CNTN5: variants seen among roughly 807,000 people sequenced by gnomAD.
CNTN5 encodes the protein contactin-5.
A neutral mutation model predicts 129.1 loss-of-function variants in CNTN5; 77 were observed. The ratio of observed to expected loss-of-function variants is 0.60; its 90% CI spans 0.50 to 0.72. The LOEUF (loss-of-function observed/expected upper bound fraction) is 0.72. Among genes scored for constraint, CNTN5 ranks in the 30% least tolerant of loss-of-function variants. The pLI is 0.00. For missense variants in CNTN5, 1,478 were observed against 1,328.8 expected, an observed-to-expected ratio of 1.11 and a Z score of -1.75; for synonymous variants, 509 against 465.6, an observed-to-expected ratio of 1.09 and a Z score of -1.20.
At chr11:99,939,352 C>G (rs1950383478) in intron 7 of CNTN5, among the ~76,000 whole-genome samples, 1 of 151,950 alleles carries the variant, frequency 6.6e-6, no homozygotes, top group Non-Finnish European at 1.5e-5. Context: ...TCTAGAAATA[C>G]ATATTTTGTT....
intron 1 of CNTN5, among the ~76,000 whole-genome samples, chr11:99,051,762 C>T (rs546109434): frequency 7.9e-5 from 12 of 151,844 alleles, no homozygotes; most frequent in South Asian, 2.1e-4. Context: ...ATTAATTCAT[C>T]GAAGTGTACT....
chr11:100,053,538 C>CA (rs908946348), intron 9 of CNTN5, among the ~76,000 whole-genome samples: 3 of 151,506 alleles, frequency 2.0e-5, no homozygotes, highest in East Asian at 1.9e-4. Flanking sequence ...TACAGTACTA[C>CA]AAAAATGACT....
intron 1 of CNTN5, among the ~76,000 whole-genome samples, chr11:99,108,987 C>T (rs926061933): frequency 6.6e-6 from 1 of 151,130 alleles, no homozygotes; most frequent in Non-Finnish European, 1.5e-5. Flanking sequence ...ACAAAAAAGG[C>T]TCATATGTAA....
chr11:100,066,680 A>G (rs537589717), intron 10 of CNTN5, among the ~76,000 whole-genome samples: 1 of 152,088 alleles, frequency 6.6e-6, no homozygotes, highest in Non-Finnish European at 1.5e-5. Flanking sequence ...AAAAGTTATT[A>G]GGTTTGTTTT....
At chr11:99,461,505 A>G (rs10893373) in intron 2 of CNTN5, among the ~76,000 whole-genome samples, 34,559 of 152,062 alleles carry the variant, frequency 0.23, 4,306 homozygotes, top group East Asian at 0.41. Flanking sequence ...TCTGTAGAAT[A>G]CCCTTGGAAT....
intron 3 of CNTN5, among the ~76,000 whole-genome samples, chr11:99,642,688 A>G (rs531840820): frequency 2.0e-5 from 3 of 152,166 alleles, no homozygotes; most frequent in Non-Finnish European, 4.4e-5. Context: ...ACAGAACACC[A>G]AAACTTATTC....
At position 99,724,240 on chromosome 11, in the gene CNTN5, A is replaced by T. The variant is rs540276980; in HGVS notation, c.56-95304A>T. Among the ~76,000 whole-genome samples the T allele has an allele frequency of 3.9e-5, 6 of 152,136 alleles. No individual in the cohort carries two copies. In the East Asian group the frequency reaches 1.2e-3, roughly 29 times the overall value. On this transcript the variant is annotated intron_variant, in intron 3 of 24. Transcript: ENST00000524871. ...TATACTCTCTCTTTGTTTTTTTCTA[A>T]GACATTTCAAGTGGGATTTTCTGTT...
chr11:99,943,012 A>G (rs764937942), intron 7 of CNTN5, among the ~76,000 whole-genome samples: 1 of 152,190 alleles, frequency 6.6e-6, no homozygotes, highest in Non-Finnish European at 1.5e-5. Context: ...ATAAACATAC[A>G]TGTGCATGTG....
intron 24 of CNTN5, among the ~76,000 whole-genome samples, chr11:100,352,027 T>TAAA (rs2139041617): frequency 6.6e-6 from 1 of 151,850 alleles, no homozygotes; most frequent in Non-Finnish European, 1.5e-5. Flanking sequence ...TTTAACTTTT[T>TAAA]AAGTTCAGGG....
chr11:99,841,715 A>C (rs1425683985), intron 4 of CNTN5, among the ~76,000 whole-genome samples: 1 of 150,582 alleles, frequency 6.6e-6, no homozygotes, highest in Non-Finnish European at 1.5e-5. Context: ...AAGAAATAAT[A>C]GTCATGGTAG....
chr11:99,696,945 C>T (rs1029374923), intron 3 of CNTN5, among the ~76,000 whole-genome samples: 1 of 151,364 alleles, frequency 6.6e-6, no homozygotes, highest in Non-Finnish European at 1.5e-5. Context: ...AAACAAACAA[C>T]AACAACAACA....
intron 3 of CNTN5, among the ~76,000 whole-genome samples, chr11:99,797,432 G>A (rs541477912): frequency 5.3e-5 from 8 of 152,088 alleles, no homozygotes; most frequent in Admixed American, 1.3e-4. Flanking sequence ...GCCAAAAAAC[G>A]TTAAGAAATC....
At chr11:99,743,404 G>A (rs1009265645) in intron 3 of CNTN5, among the ~76,000 whole-genome samples, 1 of 152,106 alleles carries the variant, frequency 6.6e-6, no homozygotes, top group African/African-American at 2.4e-5. Flanking sequence ...ATTCCTGGGA[G>A]GAAGTGTGTA....
chr11:99,773,620 TTTA>T (rs1945018704), intron 3 of CNTN5, among the ~76,000 whole-genome samples: 2 of 152,094 alleles, frequency 1.3e-5, no homozygotes, highest in Admixed American at 1.3e-4. Flanking sequence ...AATGTATAAT[TTTA>T]TTGTCTTCAT....
chr11:100,013,958 G>A (rs150680403), intron 9 of CNTN5, among the ~76,000 whole-genome samples: 16 of 152,148 alleles, frequency 1.1e-4, no homozygotes, highest in Non-Finnish European at 1.8e-4. Context: ...AAGCATGCTC[G>A]TCATGTGTCT....
chr11:99,982,801 C>T (rs1403718624), intron 8 of CNTN5, among the ~76,000 whole-genome samples: 2 of 152,068 alleles, frequency 1.3e-5, no homozygotes, highest in Admixed American at 6.6e-5. Flanking sequence ...CCACCACGCC[C>T]AGTTAATTTT....
At chr11:100,169,515 G>T (rs565221371) in intron 13 of CNTN5, among the ~76,000 whole-genome samples, 1 of 152,090 alleles carries the variant, frequency 6.6e-6, no homozygotes. Flanking sequence ...CCAGCGAAAA[G>T]ATTAGAACTG....
At chr11:99,085,179 G>C (rs1865955397) in intron 1 of CNTN5, among the ~76,000 whole-genome samples, 1 of 151,876 alleles carries the variant, frequency 6.6e-6, no homozygotes, top group Non-Finnish European at 1.5e-5. Context: ...CCAGTAGCTG[G>C]GAGTACAGGC....
chr11:99,727,396 A>G lies in CNTN5; in HGVS notation c.56-92148A>G, dbSNP rs374950186. On this transcript the variant is annotated intron_variant, in intron 3 of 24. Transcript: ENST00000524871. ...ATATTGTTATGAAATAAACAATGAT[A>G]AGCCCGATCTGTCTCCTAAAATCTC... Among the ~76,000 whole-genome samples, 11 of 151,482 alleles carry G rather than the reference A, an allele frequency of 7.3e-5. No individual in the cohort carries two copies. In the South Asian group the frequency reaches 1.5e-3, roughly 20 times the overall value.
Sources: gnomAD v4.1 joint callset for allele counts (sites outside exome capture counted in the v4.1 genomes callset) on GRCh38, gnomAD v4.1.1 for gene constraint, MANE v1.5 for transcripts, NCBI Gene and HGNC (gene_info 2026-07-23, HGNC 2026-07-21) for gene names.